Variants in NRG3 observed in about 807,000 individuals in gnomAD.
NRG3 encodes the protein neuregulin 3.
Under a neutral mutation model 66.9 loss-of-function variants are expected in NRG3, and 31 were observed. That is an observed-to-expected ratio of 0.46 (90% confidence interval 0.35 to 0.63). The LOEUF is 0.63. Among genes scored for constraint, NRG3 ranks in the 20% least tolerant of loss-of-function variants. NRG3 has a pLI of 0.00. For missense variants in NRG3, 910 were observed against 878.9 expected (o/e 1.04, Z -0.45); for synonymous variants, 393 against 359.4 (o/e 1.09, Z -1.06).
intron 1 of NRG3, among the ~76,000 whole-genome samples, chr10:82,252,816 C>A (rs1028391771): frequency 6.6e-6 from 1 of 152,144 alleles, no homozygotes; most frequent in Non-Finnish European, 1.5e-5. Flanking sequence ...ATGCCTCTGG[C>A]TCCAGCTTGC....
At chr10:82,588,074 A>T (rs1001792409) in intron 2 of NRG3, among the ~76,000 whole-genome samples, 1 of 152,200 alleles carries the variant, frequency 6.6e-6, no homozygotes, top group Non-Finnish European at 1.5e-5. Context: ...TTGGCAGACA[A>T]GTACAAGTGA....
At chr10:82,856,322 A>AT (rs758555319) in intron 3 of NRG3, among the ~76,000 whole-genome samples, 8 of 152,216 alleles carry the variant, frequency 5.3e-5, no homozygotes, top group East Asian at 1.9e-4. Context: ...GGGATTTGAG[A>AT]TTTTTTCCCA....
chr10:82,502,360 G>A (rs1315848338), intron 2 of NRG3, among the ~76,000 whole-genome samples: 1 of 152,030 alleles, frequency 6.6e-6, no homozygotes, highest in Non-Finnish European at 1.5e-5. Context: ...AATCAGTTTA[G>A]CAGCACAACT....
intron 1 of NRG3, among the ~76,000 whole-genome samples, chr10:81,905,992 G>T (rs1844564468): frequency 6.6e-6 from 1 of 152,108 alleles, no homozygotes; most frequent in Admixed American, 6.6e-5. Flanking sequence ...AAGACTTCGG[G>T]ATTAGAGTAA....
intron 2 of NRG3, among the ~76,000 whole-genome samples, chr10:82,475,921 A>G (rs1257844848): frequency 6.6e-6 from 1 of 152,204 alleles, no homozygotes; most frequent in Middle Eastern, 3.2e-3. Flanking sequence ...AATGGGAGAA[A>G]ACATTTGAAA....
At chr10:82,608,747 T>A (rs1312318116) in intron 2 of NRG3, among the ~76,000 whole-genome samples, 1 of 152,090 alleles carries the variant, frequency 6.6e-6, no homozygotes, top group Non-Finnish European at 1.5e-5. Context: ...TAGGCTCTGG[T>A]AAAATAGTTT....
chr10:82,123,766 A>G (rs1261411536), intron 1 of NRG3, among the ~76,000 whole-genome samples: 1 of 152,198 alleles, frequency 6.6e-6, no homozygotes, highest in Non-Finnish European at 1.5e-5. Context: ...TTGGCTGAAC[A>G]GTGGAATCGT....
chr10:82,957,165 AT>A (rs2132421469), intron 5 of NRG3, among the ~76,000 whole-genome samples: 1 of 152,080 alleles, frequency 6.6e-6, no homozygotes, highest in East Asian at 1.9e-4. Context: ...AGATATGAAC[AT>A]TTTGCGTGTG....
chr10:82,103,464 T>C (rs2066881829), intron 1 of NRG3, among the ~76,000 whole-genome samples: 1 of 152,212 alleles, frequency 6.6e-6, no homozygotes, highest in Non-Finnish European at 1.5e-5. Flanking sequence ...CTGTGGGTGA[T>C]TGATCCAATG....
chr10:82,019,322 G>A (rs1360729517), intron 1 of NRG3, among the ~76,000 whole-genome samples: 4 of 152,264 alleles, frequency 2.6e-5, no homozygotes, highest in African/African-American at 4.8e-5. Flanking sequence ...TTGATGTGCT[G>A]CTGGATTCAG....
chr10:81,927,254 CT>C (rs1045935052), intron 1 of NRG3, among the ~76,000 whole-genome samples: 8 of 152,070 alleles, frequency 5.3e-5, no homozygotes, highest in African/African-American at 2.4e-5. Flanking sequence ...TTCTGTTTCT[CT>C]TTTTTTCTTG....
At chr10:82,660,964 A>T (rs1289987095) in intron 2 of NRG3, among the ~76,000 whole-genome samples, 4 of 152,114 alleles carry the variant, frequency 2.6e-5, no homozygotes, top group Admixed American at 2.6e-4. Flanking sequence ...TAAGTTATTT[A>T]TGTAAGTCAG....
At chr10:82,134,518 C>T (rs1029460393) in intron 1 of NRG3, among the ~76,000 whole-genome samples, 1 of 152,104 alleles carries the variant, frequency 6.6e-6, no homozygotes. Flanking sequence ...AATAGAGAGT[C>T]TTTTCCCCAT....
chr10:82,782,066 ATGCTACTCTCTT>A (rs1203962722), intron 3 of NRG3, among the ~76,000 whole-genome samples: 1 of 152,166 alleles, frequency 6.6e-6, no homozygotes, highest in African/African-American at 2.4e-5. Context: ...GACTATGGTC[ATGCTACTCTCTT>A]TGCTTGAAAC....
intron 1 of NRG3, chr10:81,877,712 G>T: frequency 7.5e-7 from 1 of 1,332,586 alleles, no homozygotes; most frequent in East Asian, 3.0e-5. Flanking sequence ...GAAGGAATCT[G>T]CCACAAACCA....
intron 1 of NRG3, among the ~76,000 whole-genome samples, chr10:81,981,524 G>A (rs939548037): frequency 7.9e-5 from 12 of 152,074 alleles, no homozygotes; most frequent in African/African-American, 2.9e-4. Context: ...AAATAGCGTC[G>A]TCTTCTGATG....
At chr10:82,589,963 T>C (rs676039) in intron 2 of NRG3, among the ~76,000 whole-genome samples, 12,853 of 152,264 alleles carry the variant, frequency 0.084, 626 homozygotes, top group East Asian at 0.15. Context: ...GATGTAGTTA[T>C]AGAACAGTCA....
chr10:82,557,120 TGGTAGAATAATTTCTATTCCTCTG>T (rs1262020516), intron 2 of NRG3, among the ~76,000 whole-genome samples: 3 of 152,232 alleles, frequency 2.0e-5, no homozygotes, highest in Admixed American at 2.0e-4. Context: ...TGTGACTTTA[TGGTAGAATAATTTCTATTCCTCTG>T]GGTATATACC....
chr10:82,353,609 C>T (rs1168846180), intron 1 of NRG3, among the ~76,000 whole-genome samples: 2 of 152,162 alleles, frequency 1.3e-5, no homozygotes, highest in Non-Finnish European at 2.9e-5. Flanking sequence ...AATAAGAAAA[C>T]ACATTAAACT....
Sources: allele counts gnomAD v4.1 joint callset (sites outside exome capture counted in the v4.1 genomes callset), GRCh38; gene constraint gnomAD v4.1.1; transcripts MANE v1.5; gene names NCBI Gene and HGNC (gene_info 2026-07-23, HGNC 2026-07-21).